The following GRID2 variants were observed in gnomAD, a reference collection of about 807,000 sequenced individuals.
GRID2 encodes glutamate ionotropic receptor delta type subunit 2.
Under a neutral mutation model 114.8 loss-of-function variants are expected in GRID2, and 33 were observed. The observed-to-expected ratio is 0.29, with a 90% CI of 0.22 to 0.38. The LOEUF is 0.38. Among genes scored for constraint, GRID2 ranks in the 10% least tolerant of loss-of-function variants. The pLI is 1.00. For missense variants in GRID2, 1,184 were observed against 1,257.7 expected, an observed-to-expected ratio of 0.94 and a Z score of 0.89; for synonymous variants, 505 against 449.9, an observed-to-expected ratio of 1.12 and a Z score of -1.55.
In GRID2 at chr4:93,703,248, A is replaced by G. The variant is rs6817918; in HGVS notation, c.2361-65962A>G. ...TTTCCTAATTCTTATTGAATAGGAG[A>G]GATCCATTATTAAATTTTGGGGGTA... On this transcript the variant is annotated intron_variant, in intron 14 of 15. Transcript: ENST00000282020. Among the ~76,000 whole-genome samples, 286 of 152,174 alleles carry G rather than the reference A, an allele frequency of 1.9e-3. 2 individuals are homozygous for G. Among genetic ancestry groups the G allele is most frequent in the African/African-American group, 6.4e-3 (266 of 41,514 alleles).
chr4:92,897,905 A>T (rs1747286450), intron 2 of GRID2, among the ~76,000 whole-genome samples: 1 of 152,202 alleles, frequency 6.6e-6, no homozygotes, highest in Non-Finnish European at 1.5e-5. Flanking sequence ...AGCATAAGCT[A>T]AGATGATTTA....
chr4:93,265,034 G>C (rs913101073), intron 8 of GRID2, among the ~76,000 whole-genome samples: 2 of 151,698 alleles, frequency 1.3e-5, no homozygotes, highest in Non-Finnish European at 2.9e-5. Flanking sequence ...GCCCACCTCA[G>C]CCTCCCAAAG....
At chr4:92,853,548 A>C (rs1403380469) in intron 2 of GRID2, among the ~76,000 whole-genome samples, 1 of 152,038 alleles carries the variant, frequency 6.6e-6, no homozygotes, top group Non-Finnish European at 1.5e-5. Context: ...CCATAAAATA[A>C]AGACACATGA....
At chr4:92,344,905 G>C (rs1470136644) in intron 1 of GRID2, among the ~76,000 whole-genome samples, 1 of 152,082 alleles carries the variant, frequency 6.6e-6, no homozygotes, top group Non-Finnish European at 1.5e-5. Context: ...TATCTCAATA[G>C]TTTTGTGGGT....
chr4:92,683,886 G>T (rs1022650802), intron 2 of GRID2, among the ~76,000 whole-genome samples: 2 of 151,670 alleles, frequency 1.3e-5, no homozygotes, highest in African/African-American at 4.8e-5. Context: ...ATGTTGATAT[G>T]ATTATAAGGA....
chr4:93,486,675 C>T (rs1458877023), intron 11 of GRID2, among the ~76,000 whole-genome samples: 3 of 151,570 alleles, frequency 2.0e-5, no homozygotes, highest in Admixed American at 2.0e-4. Context: ...TTTTGAATGC[C>T]AAACCAATCT....
intron 12 of GRID2, among the ~76,000 whole-genome samples, chr4:93,502,718 AC>A (rs1728239526): frequency 9.2e-6 from 1 of 108,826 alleles, no homozygotes; most frequent in East Asian, 3.5e-4. Flanking sequence ...CCCCCCCCCC[AC>A]ACACACACGC....
In GRID2 at chr4:92,616,358, G is replaced by T. The variant is rs74417728; in HGVS notation, c.244+26072G>T. ...AAACATCAGCTGCTAATTTATTATG[G>T]TTTCATTGTAACTGATGAGTTACAT... On this transcript the variant is annotated intron_variant, in intron 2 of 15. Coordinates refer to ENST00000282020, the MANE Select transcript of GRID2 (RefSeq NM_001510.4). Among the ~76,000 whole-genome samples the T allele has an allele frequency of 8.5e-3, 1,281 of 151,138 alleles. 16 individuals carry two copies. The highest frequency in any genetic ancestry group is 0.065 in the East Asian group (332 of 5,098).
chr4:93,219,016 T>C (rs1163647516), intron 6 of GRID2, among the ~76,000 whole-genome samples: 1 of 152,282 alleles, frequency 6.6e-6, no homozygotes, highest in East Asian at 1.9e-4. Context: ...ACATGGGAAT[T>C]ATGGGAACTA....
intron 8 of GRID2, among the ~76,000 whole-genome samples, chr4:93,390,362 A>C (rs950185151): frequency 1.3e-5 from 2 of 152,224 alleles, no homozygotes; most frequent in African/African-American, 4.8e-5. Flanking sequence ...TGAGCAAGGA[A>C]CAAAAGAATT....
intron 2 of GRID2, among the ~76,000 whole-genome samples, chr4:92,716,186 G>T (rs1407954732): frequency 6.6e-6 from 1 of 152,124 alleles, no homozygotes; most frequent in African/African-American, 2.4e-5. Context: ...TCTTTCACGA[G>T]TCAAAATTCC....
At chr4:93,169,038 C>T (rs1738536409) in intron 4 of GRID2, among the ~76,000 whole-genome samples, 1 of 151,616 alleles carries the variant, frequency 6.6e-6, no homozygotes, top group South Asian at 2.1e-4. Context: ...ATTCAGTGGC[C>T]TCAAGTACTA....
chr4:92,790,293 G>T (rs1739519885), intron 2 of GRID2, among the ~76,000 whole-genome samples: 1 of 151,376 alleles, frequency 6.6e-6, no homozygotes, highest in African/African-American at 2.4e-5. Context: ...GTAACCTTAG[G>T]TCATTTTTTA....
At chr4:92,920,204 A>C (rs534147475) in intron 2 of GRID2, among the ~76,000 whole-genome samples, 1 of 152,124 alleles carries the variant, frequency 6.6e-6, no homozygotes, top group South Asian at 2.1e-4. Context: ...TGCTTGGTAG[A>C]TCTTCCTCCA....
chr4:92,824,498 A>G (rs1741549500), intron 2 of GRID2, among the ~76,000 whole-genome samples: 1 of 152,060 alleles, frequency 6.6e-6, no homozygotes. Flanking sequence ...AAAAGAATAA[A>G]TTAATTATTA....
chr4:93,553,787 A>G (rs544916449), intron 13 of GRID2, among the ~76,000 whole-genome samples: 4 of 152,312 alleles, frequency 2.6e-5, no homozygotes, highest in Non-Finnish European at 4.4e-5. Flanking sequence ...TTAGTTTAGC[A>G]TATATTTATC....
At chr4:93,207,922 G>C (rs1670778155) in intron 5 of GRID2, among the ~76,000 whole-genome samples, 1 of 152,004 alleles carries the variant, frequency 6.6e-6, no homozygotes, top group Admixed American at 6.6e-5. Context: ...AAGTACAACT[G>C]TTTTCAAATC....
chr4:92,966,350 A>T (rs1753156058), intron 2 of GRID2, among the ~76,000 whole-genome samples: 1 of 151,972 alleles, frequency 6.6e-6, no homozygotes, highest in Non-Finnish European at 1.5e-5. Context: ...AAAAAGGATA[A>T]GGTGGACCAC....
chr4:92,471,044 AT>A (rs1722008098), intron 1 of GRID2, among the ~76,000 whole-genome samples: 1 of 152,038 alleles, frequency 6.6e-6, no homozygotes, highest in Admixed American at 6.6e-5. Flanking sequence ...AGTGGTAAAT[AT>A]AATGGTGAGG....
Sources: allele counts gnomAD v4.1 joint callset (sites outside exome capture counted in the v4.1 genomes callset), GRCh38; gene constraint gnomAD v4.1.1; transcripts MANE v1.5; gene names NCBI Gene and HGNC (gene_info 2026-07-23, HGNC 2026-07-21).